ADAM12: variants seen among roughly 807,000 people sequenced by gnomAD.
ADAM12 encodes ADAM metallopeptidase domain 12.
ADAM12 carries 70 observed loss-of-function variants against 106.4 expected under a neutral mutation model. The observed-to-expected ratio is 0.66, with a 90% CI of 0.54 to 0.80. The LOEUF (loss-of-function observed/expected upper bound fraction) is 0.80. Among genes scored for constraint, ADAM12 ranks in the 30% least tolerant of loss-of-function variants. The pLI, the probability that ADAM12 is intolerant of heterozygous loss-of-function variation, is 0.00. For missense variants in ADAM12, 1,010 were observed against 1,171.9 expected, an observed-to-expected ratio of 0.86 and a Z score of 2.02; for synonymous variants, 420 against 433.5, an observed-to-expected ratio of 0.97 and a Z score of 0.39.
chr10:126,379,396 A>G (rs1856412807), intron 1 of ADAM12, among the ~76,000 whole-genome samples: 1 of 152,208 alleles, frequency 6.6e-6, no homozygotes, highest in South Asian at 2.1e-4. Flanking sequence ...TTGCAGGGAC[A>G]TGGATGAAGC....
At chr10:126,090,083 C>A (rs906194509) in intron 11 of ADAM12, among the ~76,000 whole-genome samples, 15 of 152,164 alleles carry the variant, frequency 9.9e-5, no homozygotes, top group Admixed American at 2.0e-4. Context: ...AACCACCACA[C>A]CTGGCCCAAA....
chr10:126,344,568 T>C (rs924873544), intron 1 of ADAM12, among the ~76,000 whole-genome samples: 1 of 152,194 alleles, frequency 6.6e-6, no homozygotes, highest in East Asian at 1.9e-4. Context: ...AGAAAGTCAT[T>C]GGTAGTTTGA....
intron 2 of ADAM12, among the ~76,000 whole-genome samples, chr10:126,302,937 G>A (rs537412799): frequency 6.6e-6 from 1 of 152,228 alleles, no homozygotes; most frequent in Non-Finnish European, 1.5e-5. Flanking sequence ...TTAAAAGAAG[G>A]GAACAAAGGA....
chr10:126,156,377 C>T (rs1472292066), intron 3 of ADAM12, among the ~76,000 whole-genome samples: 5 of 152,294 alleles, frequency 3.3e-5, no homozygotes, highest in South Asian at 4.1e-4. Flanking sequence ...GGGCGTACAG[C>T]GATTAAATGA....
chr10:126,049,527 G>A lies in ADAM12; in HGVS notation c.1718+34C>T, dbSNP rs372928877. On this transcript the variant is annotated intron_variant, in intron 15 of 22. Transcript: ENST00000448723. This position sits in a 1 kb window ranked among gnomAD's most constrained non-coding sequence, Gnocchi z 4.4. ...CCCTATGCAATGTGGGAAGGTCAGA[G>A]CAAAGACTTTGCCAGGATGTCTGGA... 4 of 1,613,674 alleles carry A rather than the reference G, an allele frequency of 2.5e-6. No homozygotes were observed. In the Admixed American group the frequency reaches 5.0e-5, roughly 20 times the overall value.
chr10:126,206,860 C>CAGG (rs1957806969), intron 3 of ADAM12, among the ~76,000 whole-genome samples: 6 of 97,834 alleles, frequency 6.1e-5, no homozygotes, highest in Non-Finnish European at 1.0e-4. Flanking sequence ...GTTGTGGGGG[C>CAGG]GGGGGGGAGC....
chr10:126,191,474 C>T (rs761041414), intron 3 of ADAM12, among the ~76,000 whole-genome samples: 7 of 151,770 alleles, frequency 4.6e-5, no homozygotes, highest in South Asian at 2.1e-4. Context: ...ACTGGTTCAG[C>T]GCAGGGTCAC....
intron 11 of ADAM12, among the ~76,000 whole-genome samples, chr10:126,092,372 C>T (rs186965093): frequency 3.3e-5 from 5 of 152,290 alleles, no homozygotes; most frequent in Admixed American, 2.0e-4. Context: ...CCCAGCATAG[C>T]GATCAGGGCT....
chr10:126,211,651 T>C (rs1455424830), intron 3 of ADAM12, among the ~76,000 whole-genome samples: 1 of 151,624 alleles, frequency 6.6e-6, no homozygotes, highest in Non-Finnish European at 1.5e-5. Flanking sequence ...AACCCACTAA[T>C]AGCCTTCTCT....
chr10:126,130,510 A>C (rs1956285485), intron 5 of ADAM12, among the ~76,000 whole-genome samples: 1 of 152,112 alleles, frequency 6.6e-6, no homozygotes, highest in Non-Finnish European at 1.5e-5. Context: ...TTTTCCTGAA[A>C]TCCCAGCTGC....
chr10:126,185,484 T>G (rs1957384801), intron 3 of ADAM12, among the ~76,000 whole-genome samples: 1 of 55,770 alleles, frequency 1.8e-5, no homozygotes, highest in African/African-American at 3.2e-4. Context: ...TAACATCTGT[T>G]TTTTTTTTTG....
rs1590806272 is a variant in ADAM12, at chr10:126,344,291, T to C, written c.89-13782A>G. On this transcript the variant is annotated intron_variant, in intron 1 of 22. Transcript: ENST00000448723. Reference sequence around the variant, plus strand: ...TATTAAATAGGGAATCCTTTCCCCATTTCTTGTTTTTTGTCAGGTTTGTCA... The same window carrying C: ...TATTAAATAGGGAATCCTTTCCCCACTTCTTGTTTTTTGTCAGGTTTGTCA... Among the ~76,000 whole-genome samples the C allele has an allele frequency of 1.3e-5, 2 of 152,342 alleles. 1 individual carries two copies. The highest frequency in any genetic ancestry group is 4.8e-5 in the African/African-American group (2 of 41,578).
At chr10:126,295,910 A>AAAC (rs1960354982) in intron 2 of ADAM12, among the ~76,000 whole-genome samples, 5 of 148,290 alleles carry the variant, frequency 3.4e-5, no homozygotes, top group Admixed American at 6.7e-5. Context: ...CACACACACA[A>AAAC]ACACACACAC....
intron 3 of ADAM12, among the ~76,000 whole-genome samples, chr10:126,223,172 T>G (rs1488250801): frequency 6.6e-6 from 1 of 152,246 alleles, no homozygotes; most frequent in Non-Finnish European, 1.5e-5. Context: ...GGGGGAAGAC[T>G]TTTGCTTATA....
chr10:126,182,044 T>G (rs190614416), intron 3 of ADAM12, among the ~76,000 whole-genome samples: 1 of 152,316 alleles, frequency 6.6e-6, no homozygotes, highest in East Asian at 1.9e-4. Context: ...AAATAAAAGA[T>G]GGAAGTTCAC....
chr10:126,279,434 A>C (rs1307688703), intron 2 of ADAM12, among the ~76,000 whole-genome samples: 1 of 148,264 alleles, frequency 6.7e-6, no homozygotes, highest in African/African-American at 2.5e-5. Context: ...CTGTCTCAAA[A>C]AAAAAAGAAA....
intron 5 of ADAM12, among the ~76,000 whole-genome samples, chr10:126,122,150 A>G (rs756158005): frequency 3.3e-5 from 5 of 152,190 alleles, no homozygotes; most frequent in African/African-American, 7.2e-5. Context: ...ACATTTTTCA[A>G]TATTTTCAAA....
intron 1 of ADAM12, among the ~76,000 whole-genome samples, chr10:126,354,289 A>T (rs1387682485): frequency 6.6e-6 from 1 of 152,184 alleles, no homozygotes; most frequent in Non-Finnish European, 1.5e-5. Flanking sequence ...TTAGAGTAAA[A>T]GCCCTAGAAT....
At chr10:126,354,337 G>A (rs1855465831) in intron 1 of ADAM12, among the ~76,000 whole-genome samples, 1 of 152,142 alleles carries the variant, frequency 6.6e-6, no homozygotes, top group African/African-American at 2.4e-5. Context: ...AACGCAATTG[G>A]CTCCAGCCCT....
Sources: gnomAD v4.1 joint callset for allele counts (sites outside exome capture counted in the v4.1 genomes callset) on GRCh38, gnomAD v4.1.1 for gene constraint, Gnocchi (gnomAD v3.1) non-coding constraint, MANE v1.5 for transcripts, NCBI Gene and HGNC (gene_info 2026-07-23, HGNC 2026-07-21) for gene names.